Variants in PHF24 observed in about 807,000 individuals in gnomAD.
The protein encoded by PHF24 is PHD finger protein 24.
Under a neutral mutation model 42.6 loss-of-function variants are expected in PHF24, and 25 were observed. The ratio of observed to expected loss-of-function variants is 0.59; its 90% CI spans 0.43 to 0.82. The LOEUF (loss-of-function observed/expected upper bound fraction) is 0.82, where lower values mean the gene tolerates loss of function less well. Ranked by LOEUF, PHF24 falls within the 40% of genes least tolerant of loss-of-function variation. PHF24 has a pLI of 0.00. For synonymous variants in PHF24, 185 were observed against 204.8 expected, an observed-to-expected ratio of 0.90 and a Z score of 0.83; for missense variants, 470 against 538.1, an observed-to-expected ratio of 0.87 and a Z score of 1.25.
chr9:34,780,220 T>C, the PHF24 span, among the ~76,000 whole-genome samples: 4 of 151,620 alleles, frequency 2.6e-5, no homozygotes, highest in African/African-American at 9.7e-5. Flanking sequence ...TAGAAGAAAA[T>C]ATGGGGAGAA....
At chr9:34,836,538 A>AT in the PHF24 span, among the ~76,000 whole-genome samples, 1 of 152,226 alleles carries the variant, frequency 6.6e-6, no homozygotes, top group Non-Finnish European at 1.5e-5. Context: ...GATATCCCTG[A>AT]TGATGTACCC....
chr9:34,681,483 C>T, the PHF24 span, among the ~76,000 whole-genome samples: 1 of 3,124 alleles, frequency 3.2e-4, no homozygotes, highest in Non-Finnish European at 7.8e-4. Flanking sequence ...CTAAATGTGA[C>T]TGTATCTGAA....
the PHF24 span, among the ~76,000 whole-genome samples, chr9:34,910,236 C>CT: frequency 3.9e-3 from 590 of 151,140 alleles, 2 homozygotes; most frequent in South Asian, 0.027. Flanking sequence ...AGTTTTGCCT[C>CT]TTTTTTTTTG....
At chr9:34,935,552 C>T in the PHF24 span, among the ~76,000 whole-genome samples, 1 of 145,284 alleles carries the variant, frequency 6.9e-6, no homozygotes, top group Non-Finnish European at 1.5e-5. Context: ...CAAGACTGTG[C>T]CACTGCACTC....
the PHF24 span, among the ~76,000 whole-genome samples, chr9:34,942,937 C>G: frequency 2.6e-5 from 4 of 152,040 alleles, no homozygotes; most frequent in East Asian, 7.7e-4. Context: ...CAACATGGTA[C>G]ATGTATACCT....
the PHF24 span, among the ~76,000 whole-genome samples, chr9:34,812,019 C>A: frequency 6.6e-6 from 1 of 152,160 alleles, no homozygotes; most frequent in Non-Finnish European, 1.5e-5. Flanking sequence ...ATGCAAACGA[C>A]CAATACGCAC....
the PHF24 span, among the ~76,000 whole-genome samples, chr9:34,880,900 G>T: frequency 6.6e-6 from 1 of 152,050 alleles, no homozygotes. Context: ...TCAACAGAAT[G>T]TACATTATTC....
At chr9:34,891,120 A>G in the PHF24 span, among the ~76,000 whole-genome samples, 1 of 152,198 alleles carries the variant, frequency 6.6e-6, no homozygotes, top group African/African-American at 2.4e-5. Context: ...GCTTCCTGGG[A>G]CAGGGTCTGG....
At chr9:34,864,238 G>T in the PHF24 span, among the ~76,000 whole-genome samples, 1 of 152,180 alleles carries the variant, frequency 6.6e-6, no homozygotes, top group Non-Finnish European at 1.5e-5. Context: ...TTTATTCAAA[G>T]GGATAATAAC....
chr9:34,695,821 T>G, the PHF24 span, among the ~76,000 whole-genome samples: 1 of 152,090 alleles, frequency 6.6e-6, no homozygotes, highest in African/African-American at 2.4e-5. Context: ...CCTGTATCCT[T>G]GGAGTGTGCT....
the PHF24 span, among the ~76,000 whole-genome samples, chr9:34,698,416 CTACTGCAAAATG>C: frequency 0.23 from 34,735 of 152,030 alleles, 4,917 homozygotes; most frequent in South Asian, 0.31. Context: ...TTTATATGTA[CTACTGCAAAATG>C]TACTGCAAAA....
the PHF24 span, chr9:34,833,770 G>A: frequency 5.2e-6 from 8 of 1,549,950 alleles, no homozygotes; most frequent in Admixed American, 5.9e-5. Flanking sequence ...TCTCATTGTT[G>A]CCTTGAGGGC....
the PHF24 span, among the ~76,000 whole-genome samples, chr9:34,699,085 A>G: frequency 2.6e-5 from 4 of 152,234 alleles, no homozygotes; most frequent in Non-Finnish European, 4.4e-5. Flanking sequence ...AGCAAATCAT[A>G]TAGTTGGATG....
the PHF24 span, among the ~76,000 whole-genome samples, chr9:34,706,936 G>A: frequency 2.0e-5 from 3 of 151,702 alleles, no homozygotes; most frequent in African/African-American, 7.3e-5. Flanking sequence ...GTTACAGTGA[G>A]CTATGATCCT....
chr9:34,853,009 A>G, the PHF24 span, among the ~76,000 whole-genome samples: 1 of 152,114 alleles, frequency 6.6e-6, no homozygotes, highest in Non-Finnish European at 1.5e-5. Flanking sequence ...TGATATCTGA[A>G]TGGTGAGAGA....
chr9:34,724,194 C>T, the PHF24 span: 1 of 1,551,456 alleles, frequency 6.4e-7, no homozygotes, highest in South Asian at 1.2e-5. Flanking sequence ...GGTTTGTTCA[C>T]ATTGGCCTCT....
the PHF24 span, among the ~76,000 whole-genome samples, chr9:34,753,152 T>A: frequency 6.6e-6 from 1 of 152,134 alleles, no homozygotes; most frequent in East Asian, 1.9e-4. Flanking sequence ...ACCATTGTAC[T>A]GGAAGTCCTA....
the PHF24 span, among the ~76,000 whole-genome samples, chr9:34,906,667 G>A: frequency 1.5e-4 from 22 of 143,628 alleles, no homozygotes; most frequent in Non-Finnish European, 1.7e-4. Flanking sequence ...AAAAAAAGCT[G>A]CCTCAGAATC....
the PHF24 span, among the ~76,000 whole-genome samples, chr9:34,875,960 T>A: frequency 0.16 from 5,806 of 35,476 alleles, 128 homozygotes; most frequent in Non-Finnish European, 0.2. Flanking sequence ...ACTCTCTCTC[T>A]CTCTCTCTCT....
Sources: allele counts gnomAD v4.1 joint callset (sites outside exome capture counted in the v4.1 genomes callset), GRCh38; gene constraint gnomAD v4.1.1; transcripts MANE v1.5; gene names NCBI Gene and HGNC (gene_info 2026-07-23, HGNC 2026-07-21).